The following MED30 variants were observed in gnomAD, a reference collection of about 807,000 sequenced individuals.
The protein encoded by MED30 is mediator of RNA polymerase II transcription subunit 30.
Under a neutral mutation model 21.7 loss-of-function variants are expected in MED30, and 8 were observed. The ratio of observed to expected loss-of-function variants is 0.37; its 90% confidence interval spans 0.22 to 0.67. MED30 has a LOEUF of 0.67. Ranked by LOEUF, MED30 falls within the 30% of genes least tolerant of loss-of-function variation. The pLI is 0.58. For synonymous variants in MED30, 79 were observed against 86.7 expected (o/e 0.91, Z 0.49); for missense variants, 203 against 228.2 (o/e 0.89, Z 0.71).
chr8:117,530,666 G>T (rs1367146432), intron 2 of MED30, 57 bp from the exon 3 acceptor site: 3 of 1,239,400 alleles, frequency 2.4e-6, no homozygotes, highest in African/African-American at 1.5e-5. Context: ...CTCTATACAA[G>T]TGATTAGAAA....
rs1480243674 is a variant in MED30 at position 117,540,130 on chromosome 8, A to G, written c.*152A>G. ...TACATTGTGATTTTTACATTAAAATATTAACTTTTTTTAATGCTATTTTAT... is the reference window on the plus strand; with the variant it reads ...TACATTGTGATTTTTACATTAAAATGTTAACTTTTTTTAATGCTATTTTAT... On this transcript the variant is annotated 3_prime_UTR_variant, in exon 4 of 4. Transcript: ENST00000297347. The G allele has an allele frequency of 1.1e-5, 5 of 440,696 alleles. No individual in the cohort carries two copies. Among genetic ancestry groups the G allele is most frequent in the Non-Finnish European group, 2.0e-5 (5 of 255,162 alleles). The allele number at this position is 440,696 out of a possible 1,614,324, so 27.3% of individuals were successfully genotyped here. A position where few individuals can be genotyped will look rare whatever the true frequency, so the allele number is the denominator to read the frequency against.
Position 117,540,029 on chromosome 8 carries a change from C to A in MED30, c.*51C>A. 2.8e-6 allele frequency: 3 copies of A among 1,082,518 alleles called. No homozygotes were observed. The highest frequency in any genetic ancestry group is 2.8e-5 in the East Asian group (1 of 35,552). The allele number at this position is 1,082,518 out of a possible 1,614,324, so 67.1% of individuals were successfully genotyped here. ...CACATGTTATACCATTGTTTTTTCC[C>A]TCAAGTATTTTTTCCCTGTGAAGAA... On this transcript the variant is annotated 3_prime_UTR_variant, in exon 4 of 4. Transcript: ENST00000297347.
intron 1 of MED30, among the ~76,000 whole-genome samples, chr8:117,524,976 A>C (rs979398324): frequency 6.6e-6 from 1 of 152,210 alleles, no homozygotes; most frequent in Non-Finnish European, 1.5e-5. Context: ...GTAATTTATT[A>C]AACCAGTTCT....
intron 1 of MED30, among the ~76,000 whole-genome samples, chr8:117,525,718 C>T (rs1818708782): frequency 6.6e-6 from 1 of 152,084 alleles, no homozygotes; most frequent in Admixed American, 6.5e-5. Context: ...TTGCTTCTTC[C>T]AGTGATTTCA....
intron 3 of MED30, among the ~76,000 whole-genome samples, chr8:117,532,013 G>C (rs921312992): frequency 1.3e-5 from 2 of 151,918 alleles, no homozygotes; most frequent in Admixed American, 1.3e-4. Flanking sequence ...TAGATTATAA[G>C]ATTCTATTGA....
chr8:117,533,360 T>C (rs1818818560), intron 3 of MED30, among the ~76,000 whole-genome samples: 1 of 152,156 alleles, frequency 6.6e-6, no homozygotes, highest in African/African-American at 2.4e-5. Flanking sequence ...AGGATATAAT[T>C]GAAACAAGGA....
chr8:117,531,323 CAGAG>C (rs1459221037), intron 3 of MED30, among the ~76,000 whole-genome samples: 1 of 151,950 alleles, frequency 6.6e-6, no homozygotes, highest in Admixed American at 6.6e-5. Context: ...TCTCGTGAAA[CAGAG>C]AGAAATAGGG....
At chr8:117,538,667 C>G (rs1031678576) in intron 3 of MED30, among the ~76,000 whole-genome samples, 7 of 152,064 alleles carry the variant, frequency 4.6e-5, no homozygotes, top group Non-Finnish European at 8.8e-5. Flanking sequence ...CTAGTAAACA[C>G]TCTGACCAGA....
At chr8:117,538,632 A>G (rs1818921231) in intron 3 of MED30, among the ~76,000 whole-genome samples, 1 of 152,136 alleles carries the variant, frequency 6.6e-6, no homozygotes, top group Admixed American at 6.5e-5. Context: ...GGGTTATTGA[A>G]TAATAATAAT....
chr8:117,538,562 G>A (rs2130820542), intron 3 of MED30, among the ~76,000 whole-genome samples: 1 of 152,166 alleles, frequency 6.6e-6, no homozygotes, highest in South Asian at 2.1e-4. Context: ...TCTGGAGGTA[G>A]TTTAATATAG....
chr8:117,525,818 TTTTAA>T (rs373362719), intron 1 of MED30, among the ~76,000 whole-genome samples: 2 of 152,142 alleles, frequency 1.3e-5, no homozygotes, highest in African/African-American at 4.8e-5. Flanking sequence ...CAAAACATTC[TTTTAA>T]TTTGTCAGGA....
In MED30 at chr8:117,537,714, A is replaced by G. The variant is rs139689858; in HGVS notation, c.442-2169A>G. 1.2e-4 allele frequency among the ~76,000 whole-genome samples: 19 copies of G among 152,296 alleles called. No homozygotes were observed. In the East Asian group the frequency reaches 3.5e-3, roughly 28 times the overall value. On this transcript the variant is annotated intron_variant, in intron 3 of 3. Transcript: ENST00000297347. ...TTGAGAGTAGTCTTATTGGTAGGTTATGCATTTATTTCAGTGGTGAGACCA... is the reference window on the plus strand; with the variant it reads ...TTGAGAGTAGTCTTATTGGTAGGTTGTGCATTTATTTCAGTGGTGAGACCA...
Position 117,528,646 on chromosome 8 carries a change from A to G in MED30, c.178-5A>G, listed in dbSNP as rs776624420. ...ATATTTTTATTCTTTGTTTTTCCTG[A>G]TAAGCTGCCAAATGGTGTCACTTAC... is the stretch of plus-strand genomic sequence containing the variant. On this transcript the variant is annotated splice_region_variant and splice_polypyrimidine_tract_variant and intron_variant, in intron 1 of 3. Transcript: ENST00000297347. The G allele has an allele frequency of 1.9e-6, 3 of 1,548,072 alleles. No individual in the cohort carries two copies. The South Asian group carries it at 3.7e-5, about 19-fold the overall frequency.
At chr8:117,523,644 A>T (rs1586859823) in intron 1 of MED30, 1 of 1,597,648 alleles carries the variant, frequency 6.3e-7, no homozygotes, top group East Asian at 2.2e-5. Flanking sequence ...GGTTGGACAC[A>T]TTCTTGTCTG....
Position 117,520,944 on chromosome 8 carries a change from A to G in MED30, c.68A>G (p.Gln23Arg), listed in dbSNP as rs368029444. Residue 23 changes from glutamine to arginine, a missense_variant, in exon 1 of 4, where the codon CAG (glutamine) becomes CGG (arginine). Gln to Arg is a conservative substitution (Grantham distance 43, BLOSUM62 1). Transcript: ENST00000297347. Reference protein sequence around the residue: ...PGPFAGPQAQQAAREVNTASL... With the variant: ...PGPFAGPQAQRAAREVNTASL... Reference sequence around the variant, plus strand: ...CCCTTCGCCGGGCCCCAGGCTCAGCAGGCCGCCCGGGAAGTCAACACGGCG... The same window carrying G: ...CCCTTCGCCGGGCCCCAGGCTCAGCGGGCCGCCCGGGAAGTCAACACGGCG... 1 of 1,612,274 alleles carries G rather than the reference A, an allele frequency of 6.2e-7. No individual in the cohort carries two copies. The highest frequency in any genetic ancestry group is 2.2e-5 in the East Asian group (1 of 44,824).
chr8:117,538,957 T>G (rs1818931255), intron 3 of MED30, among the ~76,000 whole-genome samples: 1 of 152,350 alleles, frequency 6.6e-6, no homozygotes, highest in African/African-American at 2.4e-5. Context: ...AAAGACTGAT[T>G]GCATGAGGCA....
chr8:117,523,932 G>A (rs561933785), intron 1 of MED30: 4 of 308,958 alleles, frequency 1.3e-5, no homozygotes, highest in Middle Eastern at 1.0e-3. Context: ...GCTTGAACCC[G>A]GGAGGCGGAG....
At chr8:117,523,921 C>T in intron 1 of MED30, 1 of 321,708 alleles carries the variant, frequency 3.1e-6, no homozygotes, top group Non-Finnish European at 5.9e-6. Flanking sequence ...GCAGGAGAAT[C>T]GCTTGAACCC....
intron 3 of MED30, among the ~76,000 whole-genome samples, chr8:117,536,534 T>C (rs967086993): frequency 4.6e-5 from 7 of 152,166 alleles, no homozygotes; most frequent in Non-Finnish European, 7.3e-5. Flanking sequence ...GAAGAACATA[T>C]TGATGGTGTG....
Sources: gnomAD v4.1 joint callset for allele counts (sites outside exome capture counted in the v4.1 genomes callset) on GRCh38, gnomAD v4.1.1 for gene constraint, MANE v1.5 for transcripts, NCBI Gene and HGNC (gene_info 2026-07-23, HGNC 2026-07-21) for gene names.